Variants in PPIP5K2 observed in about 807,000 individuals in gnomAD.
PPIP5K2 encodes the protein diphosphoinositol pentakisphosphate kinase 2, also known as inositol hexakisphosphate and diphosphoinositol-pentakisphosphate kinase 2.
A neutral mutation model predicts 154.6 loss-of-function variants in PPIP5K2; 105 were observed. The ratio of observed to expected loss-of-function variants is 0.68; its 90% confidence interval spans 0.58 to 0.80. The LOEUF (loss-of-function observed/expected upper bound fraction) is 0.80. PPIP5K2 is among the 30% of genes least tolerant of loss of function. The pLI, the probability that PPIP5K2 is intolerant of heterozygous loss-of-function variation, is 0.00. For missense variants in PPIP5K2, 992 were observed against 1,504.6 expected, an observed-to-expected ratio of 0.66 and a Z score of 5.64; for synonymous variants, 480 against 490.3, an observed-to-expected ratio of 0.98 and a Z score of 0.28.
At chr5:103,176,937 C>T (rs985149639) in intron 21 of PPIP5K2, 1 of 1,427,830 alleles carries the variant, frequency 7.0e-7, no homozygotes, top group Admixed American at 2.1e-5. Context: ...TTACATATGC[C>T]TCCTTCTTCT....
At chr5:103,158,922 C>G (rs977868459) in intron 16 of PPIP5K2, among the ~76,000 whole-genome samples, 29 of 151,848 alleles carry the variant, frequency 1.9e-4, no homozygotes, top group Middle Eastern at 6.8e-3. Context: ...GTGTCAGACC[C>G]TTGTCTCAAA....
At chr5:103,191,046 A>G in intron 29 of PPIP5K2, 64 bp downstream of exon 29, 1 of 1,465,688 alleles carries the variant, frequency 6.8e-7, no homozygotes, top group Non-Finnish European at 9.3e-7. Flanking sequence ...ATCTGAGTAT[A>G]ACAGGAATTA....
At chr5:103,191,217 A>G (rs1554226853) in intron 29 of PPIP5K2, among the ~76,000 whole-genome samples, 2 of 152,002 alleles carry the variant, frequency 1.3e-5, no homozygotes, top group Non-Finnish European at 2.9e-5. Context: ...CAAAAAACCA[A>G]TAGCAGTAGA....
Position 103,211,338 on chromosome 5 carries a change from G to A in PPIP5K2, c.*9704G>A, listed in dbSNP as rs1562533318. 6.6e-6 allele frequency: 1 copy of A among 151,928 alleles called. No individual in the cohort carries two copies. The highest frequency in any genetic ancestry group is 2.4e-5 in the African/African-American group (1 of 41,374). 9.4% of individuals were successfully genotyped at this position (151,928 alleles called of 1,614,324 possible). A position where few individuals can be genotyped will look rare whatever the true frequency, so the allele number is the denominator to read the frequency against. On this transcript the variant is annotated 3_prime_UTR_variant, in exon 31 of 31. Coordinates refer to ENST00000358359, the MANE Select transcript of PPIP5K2 (RefSeq NM_001276277.3). Reference sequence around the variant, plus strand: ...GACCACTCCTCCCTCAAAAAAAATTGTCCCTAGAAAACTAGAGTGATCATA... The same window carrying A: ...GACCACTCCTCCCTCAAAAAAAATTATCCCTAGAAAACTAGAGTGATCATA...
chr5:103,161,723 A>C (rs1228898105), intron 17 of PPIP5K2, among the ~76,000 whole-genome samples: 7 of 151,914 alleles, frequency 4.6e-5, no homozygotes, highest in Non-Finnish European at 7.4e-5. Flanking sequence ...ATGATGAGCC[A>C]TGTGTCTGTT....
Position 103,177,118 on chromosome 5 carries a change from C to T in PPIP5K2, c.2530-549C>T, listed in dbSNP as rs189332574. 1.6e-4 allele frequency among the ~76,000 whole-genome samples: 25 copies of T among 151,748 alleles called. No homozygotes were observed. In the South Asian group the frequency reaches 2.7e-3, roughly 16 times the overall value. ...CTTTGGAACCTGACAAAGTTAAAAACGGTCTCTTACCCTCAGAATTCATTA... is the reference window on the plus strand; with the variant it reads ...CTTTGGAACCTGACAAAGTTAAAAATGGTCTCTTACCCTCAGAATTCATTA... On this transcript the variant is annotated intron_variant, in intron 21 of 30. Coordinates refer to ENST00000358359, the MANE Select transcript of PPIP5K2 (RefSeq NM_001276277.3).
intron 19 of PPIP5K2, among the ~76,000 whole-genome samples, chr5:103,172,301 T>C (rs1164912300): frequency 6.6e-6 from 1 of 151,476 alleles, no homozygotes; most frequent in Non-Finnish European, 1.5e-5. Flanking sequence ...AGGTCTTTCA[T>C]CTGTAATCAG....
Position 103,173,876 on chromosome 5 carries a change from G to C in PPIP5K2, c.2433G>C (p.Leu811=), listed in dbSNP as rs367587691. The change falls in exon 21 of 31, where the codon CTG becomes CTC. Residue 811 remains leucine, a synonymous_variant. Transcript: ENST00000358359. The part of the protein sequence containing the change: ...KLHPVYSRGV[L]SPERHVRTRL... ...ATTTTAGGTATTCTAGAGGTGTTCT[G>C]TCTCCTGAACGTCATGTTCGTACTA... 5 of 1,599,616 alleles carry C rather than the reference G, an allele frequency of 3.1e-6. No individual in the cohort carries two copies. In the African/African-American group the frequency reaches 6.7e-5, roughly 22 times the overall value.
In PPIP5K2 at chr5:103,206,306, G is replaced by T. The variant is rs1229538111; in HGVS notation, c.*4672G>T. On this transcript the variant is annotated 3_prime_UTR_variant, in exon 31 of 31. Transcript: ENST00000358359. ...CTCGTGTTAACAATAATTGCTGTCG[G>T]TTTCAGTGAGGACTACATATTTTTT... 6.6e-6 allele frequency: 1 copy of T among 152,136 alleles called. No individual in the cohort carries two copies. Among genetic ancestry groups the T allele is most frequent in the Non-Finnish European group, 1.5e-5 (1 of 68,022 alleles). 9.4% of individuals were successfully genotyped at this position (152,136 alleles called of 1,614,324 possible). A position where few individuals can be genotyped will look rare whatever the true frequency, so the allele number is the denominator to read the frequency against.
At chr5:103,148,207 CT>C (rs1554209935) in intron 7 of PPIP5K2, 175 bp downstream of exon 7, 2 of 663,318 alleles carry the variant, frequency 3.0e-6, no homozygotes, top group Non-Finnish European at 5.5e-6. Flanking sequence ...CCTATGGACT[CT>C]TTTTTAAGAG....
chr5:103,135,269 T>C (rs1242709422), intron 3 of PPIP5K2, among the ~76,000 whole-genome samples: 2 of 152,148 alleles, frequency 1.3e-5, no homozygotes, highest in African/African-American at 4.8e-5. Context: ...TACTACTCTT[T>C]TGTGCTGGTA....
At chr5:103,168,715 C>G (rs578159487) in intron 19 of PPIP5K2, among the ~76,000 whole-genome samples, 1 of 151,862 alleles carries the variant, frequency 6.6e-6, no homozygotes, top group South Asian at 2.1e-4. Flanking sequence ...AGGGTTCACT[C>G]TTGGTGTTGT....
At chr5:103,138,595 A>G (rs1791995655) in intron 5 of PPIP5K2, 126 bp downstream of exon 5, 3 of 512,602 alleles carry the variant, frequency 5.9e-6, no homozygotes, top group Non-Finnish European at 6.8e-6. Flanking sequence ...TTAAAAAATA[A>G]TCTAAACAGA....
rs994603888 is a variant in PPIP5K2 at position 103,155,852 on chromosome 5, A to G, written c.1404-57A>G. ...GTTACAAATAAAAGGGAGCATGAAT[A>G]TGTGAGAATTAGTTTTTCCCTACAT... On this transcript the variant is annotated intron_variant, in intron 13 of 30. Transcript: ENST00000358359. 2.8e-5 allele frequency: 30 copies of G among 1,078,322 alleles called. No homozygotes were observed. In the Admixed American group the frequency reaches 3.1e-4, roughly 11 times the overall value. The allele number at this position is 1,078,322 out of a possible 1,614,324, so 66.8% of individuals were successfully genotyped here.
rs1554209258 is a variant in PPIP5K2, at chr5:103,146,600, G to A, written c.561G>A (p.Lys187=). ...TTTTTCAAAAGCCATTTGTAGAAAA[G>A]CCAGTCAGTGCAGAAGATCACAATG... The part of the protein sequence containing the change: ...GEVFQKPFVE[K]PVSAEDHNVY... The change falls in exon 6 of 31, where the codon AAG becomes AAA. Residue 187 remains lysine (K), a synonymous_variant. Coordinates refer to ENST00000358359, the MANE Select transcript of PPIP5K2 (RefSeq NM_001276277.3). The A allele has an allele frequency of 6.2e-7, 1 of 1,612,572 alleles. No homozygotes were observed. The highest frequency in any genetic ancestry group is 8.5e-7 in the Non-Finnish European group (1 of 1,179,162).
intron 19 of PPIP5K2, among the ~76,000 whole-genome samples, chr5:103,172,931 A>T (rs1488410243): frequency 6.6e-6 from 1 of 151,874 alleles, no homozygotes; most frequent in Non-Finnish European, 1.5e-5. Context: ...CGCCTTCAGA[A>T]ATTACTGGCT....
chr5:103,141,478 G>A (rs1393419138), intron 5 of PPIP5K2, among the ~76,000 whole-genome samples: 1 of 152,114 alleles, frequency 6.6e-6, no homozygotes, highest in South Asian at 2.1e-4. Flanking sequence ...GTTACAGCTC[G>A]GGCAGCCTGC....
At chr5:103,166,898 G>A (rs1797213856) in intron 17 of PPIP5K2, among the ~76,000 whole-genome samples, 2 of 151,892 alleles carry the variant, frequency 1.3e-5, no homozygotes, top group Non-Finnish European at 2.9e-5. Flanking sequence ...GGAAGAGGAG[G>A]GGTTAGTCAT....
chr5:103,157,885 G>A (rs1554214095), intron 14 of PPIP5K2, among the ~76,000 whole-genome samples: 4 of 152,154 alleles, frequency 2.6e-5, no homozygotes, highest in African/African-American at 2.4e-5. Flanking sequence ...AAATTACTAT[G>A]AGAGCAGGCA....
Sources: allele counts gnomAD v4.1 joint callset (sites outside exome capture counted in the v4.1 genomes callset), GRCh38; gene constraint gnomAD v4.1.1; transcripts MANE v1.5; gene names NCBI Gene and HGNC (gene_info 2026-07-23, HGNC 2026-07-21).